The following RHOU variants were observed in gnomAD, a reference collection of about 807,000 sequenced individuals.
The protein encoded by RHOU is rho-related GTP-binding protein RhoU.
A neutral mutation model predicts 12.6 loss-of-function variants in RHOU; 8 were observed. That is an observed-to-expected ratio of 0.64 (90% CI 0.37 to 1.15). The LOEUF is 1.15. Among genes scored for constraint, RHOU ranks in the 50% most tolerant of loss-of-function variants. The pLI is 0.01. For missense variants in RHOU, 258 were observed against 347.0 expected (o/e 0.74, Z 2.04); for synonymous variants, 161 against 147.4 (o/e 1.09, Z -0.67).
At chr1:228,728,282 C>T in the RHOU span, among the ~76,000 whole-genome samples, 11 of 152,338 alleles carry the variant, frequency 7.2e-5, no homozygotes, top group African/African-American at 2.6e-4. Context: ...GCAAATCTAC[C>T]TGCCATCCCT....
At chr1:228,736,789 A>G (rs1211625331) in intron 1 of RHOU, among the ~76,000 whole-genome samples, 3 of 152,168 alleles carry the variant, frequency 2.0e-5, no homozygotes, top group African/African-American at 7.2e-5. Flanking sequence ...AAAAAGTTAA[A>G]ATTCACAGAA....
rs1662629790 is a variant in RHOU at position 228,737,261 on chromosome 1, C to A, written c.263-412C>A. 6.6e-6 allele frequency among the ~76,000 whole-genome samples: 1 copy of A among 152,152 alleles called. No homozygotes were observed. Among genetic ancestry groups the A allele is most frequent in the African/African-American group, 2.4e-5 (1 of 41,420 alleles). On this transcript the variant is annotated intron_variant, in intron 1 of 2. Transcript: ENST00000366691. This position sits in a 1 kb window ranked among gnomAD's most constrained non-coding sequence, Gnocchi z 4.1. ...TATGATAAACCCTGAAGTTGGGGAA[C>A]CTTTCCCAAGGGAAAACAGAATTAT...
the RHOU span, among the ~76,000 whole-genome samples, chr1:228,668,336 AC>A: frequency 6.6e-6 from 1 of 152,158 alleles, no homozygotes; most frequent in African/African-American, 2.4e-5. Context: ...CAAATATCCA[AC>A]CTAAAAAGAG....
chr1:228,699,433 G>C, the RHOU span, among the ~76,000 whole-genome samples: 1 of 115,750 alleles, frequency 8.6e-6, no homozygotes, highest in African/African-American at 3.3e-5. Context: ...GGGTGACCGA[G>C]AGAGAACCTG....
chr1:228,721,017 G>T, the RHOU span, among the ~76,000 whole-genome samples: 1 of 152,016 alleles, frequency 6.6e-6, no homozygotes, highest in Non-Finnish European at 1.5e-5. Flanking sequence ...AGAATTTATC[G>T]CCTTGGGGGC....
chr1:228,725,990 AT>A, the RHOU span, among the ~76,000 whole-genome samples: 1 of 152,222 alleles, frequency 6.6e-6, no homozygotes, highest in Non-Finnish European at 1.5e-5. Flanking sequence ...TCTTCTTACT[AT>A]CTTAATAAAT....
At chr1:228,742,073 G>A (rs1233226641) in intron 2 of RHOU, among the ~76,000 whole-genome samples, 3 of 152,208 alleles carry the variant, frequency 2.0e-5, no homozygotes, top group Admixed American at 6.5e-5. Context: ...TGTCAATTGA[G>A]TAATGAAAAA....
chr1:228,659,742 G>C, the RHOU span, among the ~76,000 whole-genome samples: 3 of 151,970 alleles, frequency 2.0e-5, no homozygotes, highest in African/African-American at 7.2e-5. Flanking sequence ...CCAGCACTTT[G>C]GGAGGCCAAG....
intron 1 of RHOU, 53 bp downstream of exon 1, chr1:228,736,057 G>C (rs1662603220): frequency 2.0e-6 from 3 of 1,537,388 alleles, no homozygotes; most frequent in Admixed American, 3.8e-5. Context: ...GTCCACCCAG[G>C]GGAAGGAAGG....
chr1:228,657,908 TTAAAC>T, the RHOU span, among the ~76,000 whole-genome samples: 3 of 152,158 alleles, frequency 2.0e-5, no homozygotes, highest in Non-Finnish European at 4.4e-5. Context: ...TTTTTGGAAA[TTAAAC>T]AACACACTGC....
chr1:228,671,650 G>A, the RHOU span, among the ~76,000 whole-genome samples: 1 of 146,466 alleles, frequency 6.8e-6, no homozygotes, highest in East Asian at 2.0e-4. Flanking sequence ...CTAGGAGGCG[G>A]AGGTTGCAGT....
chr1:228,739,444 A>G (rs1662678591), intron 2 of RHOU, among the ~76,000 whole-genome samples: 1 of 152,116 alleles, frequency 6.6e-6, no homozygotes, highest in Admixed American at 6.5e-5. Flanking sequence ...GGCGCCTGTA[A>G]TAGCAGCTAC....
chr1:228,728,811 C>G, the RHOU span, among the ~76,000 whole-genome samples: 17 of 152,166 alleles, frequency 1.1e-4, no homozygotes, highest in Non-Finnish European at 2.1e-4. Flanking sequence ...AGAAGTTTCC[C>G]ATGACCCCTT....
rs1156789875 is a variant in RHOU, at chr1:228,746,244, GAGTTAAA to G, written c.*2505_*2511del. On this transcript the variant is annotated 3_prime_UTR_variant, in exon 3 of 3. Transcript: ENST00000366691. ...GAAAATGTTTTTAAAGTATGTGTTT[GAGTTAAA>G]TATAAAGTTGGTTCACTTCAAAGCT... The G allele has an allele frequency of 6.6e-6, 1 of 152,206 alleles. No individual in the cohort carries two copies. The highest frequency in any genetic ancestry group is 1.5e-5 in the Non-Finnish European group (1 of 68,034). The allele number at this position is 152,206 out of a possible 1,614,324, so 9.4% of individuals were successfully genotyped here. A position where few individuals can be genotyped will look rare whatever the true frequency, so the allele number is the denominator to read the frequency against.
Position 228,739,140 on chromosome 1 carries a change from AAAATC to A in RHOU, c.321+1413_321+1417del, listed in dbSNP as rs572814194. On this transcript the variant is annotated intron_variant, in intron 2 of 2. Transcript: ENST00000366691. ...CATCTCTTGGGGGTAAAAAAAAAGA[AAAATC>A]AAAGAATACAGTCACTTCTAGCACT... Among the ~76,000 whole-genome samples, 277 of 152,274 alleles carry A rather than the reference AAAATC, an allele frequency of 1.8e-3. 2 individuals carry two copies. Among genetic ancestry groups the A allele is most frequent in the African/African-American group, 6.4e-3 (266 of 41,548 alleles).
the RHOU span, among the ~76,000 whole-genome samples, chr1:228,725,329 C>A: frequency 1.3e-5 from 2 of 152,164 alleles, no homozygotes; most frequent in Admixed American, 6.5e-5. Flanking sequence ...GTTCCCAAAG[C>A]TCATTTCCTG....
the RHOU span, among the ~76,000 whole-genome samples, chr1:228,647,165 C>T: frequency 2.0e-5 from 3 of 152,200 alleles, no homozygotes; most frequent in South Asian, 2.1e-4. Flanking sequence ...GCAGGGCGGC[C>T]AGGCGGCCCG....
At chr1:228,648,028 T>G in the RHOU span, 1 of 152,230 alleles carries the variant, frequency 6.6e-6, no homozygotes, top group South Asian at 2.1e-4. Context: ...GGTATGGCCT[T>G]AGACGCCGGT....
chr1:228,700,963 C>T, the RHOU span, among the ~76,000 whole-genome samples: 4 of 151,970 alleles, frequency 2.6e-5, no homozygotes, highest in Non-Finnish European at 4.4e-5. Context: ...GTGGTGTGCA[C>T]CTGTAATCCC....
Sources: allele counts gnomAD v4.1 joint callset (sites outside exome capture counted in the v4.1 genomes callset), GRCh38; gene constraint gnomAD v4.1.1; non-coding constraint Gnocchi (gnomAD v3.1); transcripts MANE v1.5; gene names NCBI Gene and HGNC (gene_info 2026-07-23, HGNC 2026-07-21).